OSBPL10: variants seen among roughly 807,000 people sequenced by gnomAD.
OSBPL10 encodes the protein oxysterol binding protein like 10.
OSBPL10 carries 49 observed loss-of-function variants against 81.7 expected under a neutral mutation model. That is an observed-to-expected ratio of 0.60 (90% CI 0.48 to 0.76). OSBPL10 has a LOEUF of 0.76. Among genes scored for constraint, OSBPL10 ranks in the 30% least tolerant of loss-of-function variants. The pLI is 0.00. For synonymous variants in OSBPL10, 419 were observed against 383.6 expected, an observed-to-expected ratio of 1.09 and a Z score of -1.08; for missense variants, 923 against 987.8, an observed-to-expected ratio of 0.93 and a Z score of 0.88.
At chr3:31,747,614 C>G (rs536948592) in intron 5 of OSBPL10, among the ~76,000 whole-genome samples, 2 of 151,234 alleles carry the variant, frequency 1.3e-5, no homozygotes, top group African/African-American at 4.9e-5. Flanking sequence ...ATGTTAGTTA[C>G]ATTTTTCATA....
intron 1 of OSBPL10, among the ~76,000 whole-genome samples, chr3:31,933,580 A>G (rs1423379629): frequency 1.3e-5 from 2 of 151,662 alleles, no homozygotes; most frequent in East Asian, 1.9e-4. Context: ...GAGTTTTTAC[A>G]TTTTTTGGCA....
At chr3:32,008,269 C>T (rs1409520117) in intron 2 of OSBPL10, among the ~76,000 whole-genome samples, 1 of 150,884 alleles carries the variant, frequency 6.6e-6, no homozygotes, top group Non-Finnish European at 1.5e-5. Context: ...TCTCCTGCTT[C>T]AGCCTCCTGA....
At chr3:31,755,340 A>G (rs1011687953) in intron 4 of OSBPL10, among the ~76,000 whole-genome samples, 21 of 152,234 alleles carry the variant, frequency 1.4e-4, no homozygotes, top group African/African-American at 5.1e-4. Context: ...TAGACACCCT[A>G]TTTCCACTTC....
chr3:31,995,118 G>A (rs1375111807), intron 2 of OSBPL10, among the ~76,000 whole-genome samples: 1 of 152,174 alleles, frequency 6.6e-6, no homozygotes, highest in East Asian at 1.9e-4. Flanking sequence ...CAGAACTCCT[G>A]GTAAGGGTCT....
chr3:31,840,739 C>G (rs748640205), intron 3 of OSBPL10, among the ~76,000 whole-genome samples: 30 of 152,346 alleles, frequency 2.0e-4, no homozygotes, highest in Non-Finnish European at 3.7e-4. Flanking sequence ...TTGGCTTCTT[C>G]TTTTCTCCTG....
chr3:32,024,106 C>T (rs1437927941), intron 2 of OSBPL10, among the ~76,000 whole-genome samples: 1 of 152,130 alleles, frequency 6.6e-6, no homozygotes, highest in East Asian at 1.9e-4. Context: ...TGATTACTGT[C>T]GTTTTAATGG....
intron 4 of OSBPL10, among the ~76,000 whole-genome samples, chr3:31,788,685 G>A (rs1698924312): frequency 6.6e-6 from 1 of 152,154 alleles, no homozygotes. Flanking sequence ...GGCCGATGCA[G>A]GAGGATCACT....
At chr3:32,071,603 G>A (rs561035447) in intron 1 of OSBPL10, among the ~76,000 whole-genome samples, 141 of 143,344 alleles carry the variant, frequency 9.8e-4, no homozygotes, top group African/African-American at 2.4e-3. Flanking sequence ...TCCATGCGGC[G>A]GCTGCCACCA....
chr3:31,770,655 G>A (rs1307706705), intron 4 of OSBPL10, among the ~76,000 whole-genome samples: 3 of 152,106 alleles, frequency 2.0e-5, no homozygotes, highest in African/African-American at 7.2e-5. Context: ...GCATGGAGGT[G>A]CATGCCTGTA....
intron 7 of OSBPL10, among the ~76,000 whole-genome samples, chr3:31,693,504 G>A (rs568779179): frequency 6.6e-6 from 1 of 152,294 alleles, no homozygotes; most frequent in Non-Finnish European, 1.5e-5. Flanking sequence ...AGCGTACACA[G>A]GTAATGATGT....
chr3:31,774,925 G>A (rs926870199), intron 4 of OSBPL10, among the ~76,000 whole-genome samples: 1 of 151,674 alleles, frequency 6.6e-6, no homozygotes, highest in Non-Finnish European at 1.5e-5. Flanking sequence ...CCAGCACTTT[G>A]GGAGGCTGAG....
intron 1 of OSBPL10, among the ~76,000 whole-genome samples, chr3:31,900,050 G>A (rs1020194834): frequency 3.5e-5 from 5 of 142,876 alleles, no homozygotes; most frequent in African/African-American, 1.3e-4. Flanking sequence ...TTTTAAGACA[G>A]GGTCTGGCTC....
chr3:31,998,492 A>T (rs1297327232), intron 2 of OSBPL10, among the ~76,000 whole-genome samples: 2 of 152,178 alleles, frequency 1.3e-5, no homozygotes, highest in African/African-American at 4.8e-5. Flanking sequence ...CTTCACAACT[A>T]CTGTATATTA....
chr3:31,881,268 T>A (rs1695570208), intron 1 of OSBPL10, among the ~76,000 whole-genome samples: 1 of 152,184 alleles, frequency 6.6e-6, no homozygotes, highest in Non-Finnish European at 1.5e-5. Context: ...TGCTACTCAG[T>A]TAGCACTTGT....
At chr3:32,019,065 A>C (rs536993986) in intron 2 of OSBPL10, among the ~76,000 whole-genome samples, 1 of 152,346 alleles carries the variant, frequency 6.6e-6, no homozygotes, top group African/African-American at 2.4e-5. Flanking sequence ...CCAACGGCCT[A>C]AGCTACTCTT....
At chr3:31,892,809 G>T (rs909660480) in intron 1 of OSBPL10, among the ~76,000 whole-genome samples, 10 of 152,210 alleles carry the variant, frequency 6.6e-5, no homozygotes, top group Admixed American at 4.6e-4. Context: ...AAGACCAGGG[G>T]CTCCACTGGC....
chr3:31,923,479 TTTTG>T (rs770422157), intron 1 of OSBPL10, among the ~76,000 whole-genome samples: 1 of 152,180 alleles, frequency 6.6e-6, no homozygotes, highest in South Asian at 2.1e-4. Flanking sequence ...TTCCTGTACT[TTTTG>T]TTTGTTTTCT....
At chr3:31,664,607 A>G (rs1700145493) in intron 10 of OSBPL10, 2 of 297,468 alleles carry the variant, frequency 6.7e-6, no homozygotes, top group South Asian at 8.3e-5. Flanking sequence ...CCTCACAGCA[A>G]CCCAATGATA....
chr3:31,886,582 G>A (rs1695743008), intron 1 of OSBPL10, among the ~76,000 whole-genome samples: 1 of 152,216 alleles, frequency 6.6e-6, no homozygotes. Flanking sequence ...AACGGGGCCT[G>A]TGAACAGACT....
Sources: allele counts gnomAD v4.1 joint callset (sites outside exome capture counted in the v4.1 genomes callset), GRCh38; gene constraint gnomAD v4.1.1; transcripts MANE v1.5; gene names NCBI Gene and HGNC (gene_info 2026-07-23, HGNC 2026-07-21).